GALNT13: variants seen among roughly 807,000 people sequenced by gnomAD.
The protein encoded by GALNT13 is UDP-GalNAc:polypeptide N-acetylgalactosaminyltransferase 13.
Under a neutral mutation model 64.2 loss-of-function variants are expected in GALNT13, and 28 were observed. That is an observed-to-expected ratio of 0.44 (90% CI 0.32 to 0.60). The LOEUF is 0.60. Ranked by LOEUF, GALNT13 falls within the 20% of genes least tolerant of loss-of-function variation. The pLI, the probability that GALNT13 is intolerant of heterozygous loss-of-function variation, is 0.05. For missense variants in GALNT13, 577 were observed against 669.8 expected (o/e 0.86, Z 1.53); for synonymous variants, 214 against 224.6 (o/e 0.95, Z 0.42).
chr2:153,362,761 A>G, the GALNT13 span, among the ~76,000 whole-genome samples: 1 of 152,116 alleles, frequency 6.6e-6, no homozygotes, highest in Non-Finnish European at 1.5e-5. Flanking sequence ...AGAGACCTAT[A>G]CTTAGACTCC....
At chr2:154,116,800 A>C (rs1436054927) in intron 3 of GALNT13, among the ~76,000 whole-genome samples, 2 of 152,202 alleles carry the variant, frequency 1.3e-5, no homozygotes, top group African/African-American at 4.8e-5. Flanking sequence ...CAATGAAAGA[A>C]CACCATCCTT....
At chr2:154,284,729 A>G (rs950166890) in intron 8 of GALNT13, among the ~76,000 whole-genome samples, 38 of 152,162 alleles carry the variant, frequency 2.5e-4, no homozygotes, top group South Asian at 2.1e-4. Context: ...TTGCTGGATC[A>G]TATCGTAATT....
the GALNT13 span, among the ~76,000 whole-genome samples, chr2:153,191,101 A>G: frequency 6.6e-6 from 1 of 152,038 alleles, no homozygotes; most frequent in Non-Finnish European, 1.5e-5. Context: ...TAAGACTTCC[A>G]GTACTGTATT....
intron 3 of GALNT13, among the ~76,000 whole-genome samples, chr2:154,068,767 C>A (rs1400377063): frequency 6.6e-6 from 1 of 151,782 alleles, no homozygotes; most frequent in African/African-American, 2.4e-5. Flanking sequence ...TTAATGAGTA[C>A]AAAAATATAG....
At chr2:153,548,504 G>A in the GALNT13 span, among the ~76,000 whole-genome samples, 4 of 152,076 alleles carry the variant, frequency 2.6e-5, no homozygotes, top group Non-Finnish European at 4.4e-5. Context: ...AGAGACACCC[G>A]AACAGGAGCC....
At chr2:153,304,759 A>T in the GALNT13 span, among the ~76,000 whole-genome samples, 1 of 152,216 alleles carries the variant, frequency 6.6e-6, no homozygotes, top group Non-Finnish European at 1.5e-5. Context: ...CACAGGTTTC[A>T]TGTGTACTCC....
At chr2:154,336,331 T>C (rs771314163) in intron 9 of GALNT13, among the ~76,000 whole-genome samples, 1 of 152,082 alleles carries the variant, frequency 6.6e-6, no homozygotes, top group African/African-American at 2.4e-5. Context: ...TCATCAGGAA[T>C]ACCACAGGCC....
At chr2:154,440,994 G>A (rs1701264253) in intron 12 of GALNT13, among the ~76,000 whole-genome samples, 1 of 152,138 alleles carries the variant, frequency 6.6e-6, no homozygotes, top group Non-Finnish European at 1.5e-5. Flanking sequence ...GCTACCCACA[G>A]GGTGATTCCA....
intron 3 of GALNT13, among the ~76,000 whole-genome samples, chr2:153,953,225 A>G (rs977680043): frequency 1.4e-4 from 21 of 152,206 alleles, no homozygotes; most frequent in Non-Finnish European, 1.8e-4. Flanking sequence ...AACATATGAC[A>G]TATGCATAGG....
chr2:153,190,629 T>A, the GALNT13 span, among the ~76,000 whole-genome samples: 1 of 152,064 alleles, frequency 6.6e-6, no homozygotes, highest in South Asian at 2.1e-4. Flanking sequence ...TGATTGCTAT[T>A]TTGATAGAGA....
chr2:153,348,863 C>T, the GALNT13 span, among the ~76,000 whole-genome samples: 1 of 152,168 alleles, frequency 6.6e-6, no homozygotes, highest in East Asian at 1.9e-4. Context: ...CAGGTGAGAG[C>T]CAGCATCACA....
chr2:154,002,731 G>A (rs1418579707), intron 3 of GALNT13, among the ~76,000 whole-genome samples: 1 of 152,024 alleles, frequency 6.6e-6, no homozygotes, highest in Non-Finnish European at 1.5e-5. Context: ...TCATTCCTGT[G>A]CATTTGCTGA....
At chr2:153,317,293 T>G in the GALNT13 span, among the ~76,000 whole-genome samples, 2 of 152,142 alleles carry the variant, frequency 1.3e-5, no homozygotes, top group Non-Finnish European at 2.9e-5. Context: ...CACTTTATCA[T>G]TCCCTAACAC....
At chr2:153,645,508 G>C in the GALNT13 span, among the ~76,000 whole-genome samples, 3 of 152,122 alleles carry the variant, frequency 2.0e-5, no homozygotes, top group Middle Eastern at 6.8e-3. Flanking sequence ...TTTTGGCTTA[G>C]AGAAAAATTA....
chr2:154,406,077 C>T (rs1413477958), intron 10 of GALNT13, among the ~76,000 whole-genome samples: 1 of 152,096 alleles, frequency 6.6e-6, no homozygotes, highest in Non-Finnish European at 1.5e-5. Context: ...TATCAACATG[C>T]AAGAACTCAA....
chr2:153,489,683 C>A, the GALNT13 span, among the ~76,000 whole-genome samples: 1 of 152,110 alleles, frequency 6.6e-6, no homozygotes. Flanking sequence ...GGCAACCCAC[C>A]ATTTTGGAGA....
intron 4 of GALNT13, among the ~76,000 whole-genome samples, chr2:154,145,628 T>A (rs761751652): frequency 3.9e-5 from 6 of 152,022 alleles, no homozygotes; most frequent in Non-Finnish European, 8.8e-5. Flanking sequence ...GCCAAATAAC[T>A]GCTTCTTACA....
chr2:153,435,959 T>A, the GALNT13 span, among the ~76,000 whole-genome samples: 1 of 152,214 alleles, frequency 6.6e-6, no homozygotes, highest in East Asian at 1.9e-4. Context: ...ATATTGGCTG[T>A]GGGTTTGTCA....
At chr2:153,593,814 T>C in the GALNT13 span, among the ~76,000 whole-genome samples, 1,060 of 152,300 alleles carry the variant, frequency 7.0e-3, 9 homozygotes, top group African/African-American at 0.024. Flanking sequence ...GATAAACCAC[T>C]GACCCATTTT....
Sources: gnomAD v4.1 joint callset for allele counts (sites outside exome capture counted in the v4.1 genomes callset) on GRCh38, gnomAD v4.1.1 for gene constraint, MANE v1.5 for transcripts, NCBI Gene and HGNC (gene_info 2026-07-23, HGNC 2026-07-21) for gene names.